MALRD1: variants seen among roughly 807,000 people sequenced by gnomAD.
MALRD1 encodes the protein MAM and LDL-receptor class A domain-containing protein 1.
In MALRD1, 247 loss-of-function variants were observed where a neutral mutation model predicts 242.1. The ratio of observed to expected loss-of-function variants is 1.02; its 90% CI spans 0.92 to 1.13. MALRD1 has a LOEUF of 1.13. Ranked by LOEUF, MALRD1 falls within the 50% of genes most tolerant of loss-of-function variation. The probability of loss-of-function intolerance (pLI) is 0.00; values close to 1 mark genes in which losing one functional copy is unlikely to be tolerated. For synonymous variants in MALRD1, 995 were observed against 866.6 expected, an observed-to-expected ratio of 1.15 and a Z score of -2.60; for missense variants, 2,989 against 2,533.1, an observed-to-expected ratio of 1.18 and a Z score of -3.86.
At chr10:19,179,546 A>T (rs1008174532) in intron 14 of MALRD1, among the ~76,000 whole-genome samples, 2 of 152,120 alleles carry the variant, frequency 1.3e-5, no homozygotes, top group African/African-American at 4.8e-5. Flanking sequence ...GCTACTCAGG[A>T]GGTGCAGGTT....
chr10:19,661,994 A>T (rs1195157740), intron 36 of MALRD1, among the ~76,000 whole-genome samples: 1 of 152,150 alleles, frequency 6.6e-6, no homozygotes, highest in Non-Finnish European at 1.5e-5. Context: ...TCATTTTCCA[A>T]TATATAAATG....
At chr10:19,369,472 T>C (rs1186230209) in intron 26 of MALRD1, among the ~76,000 whole-genome samples, 1 of 148,776 alleles carries the variant, frequency 6.7e-6, no homozygotes, top group Non-Finnish European at 1.5e-5. Flanking sequence ...ATAGTTTTTT[T>C]ATATACTCTG....
chr10:19,696,520 T>G (rs1302706983), intron 38 of MALRD1, among the ~76,000 whole-genome samples: 1 of 152,152 alleles, frequency 6.6e-6, no homozygotes, highest in East Asian at 1.9e-4. Context: ...GTCATGTGAA[T>G]AAGCAGACAG....
intron 18 of MALRD1, among the ~76,000 whole-genome samples, chr10:19,238,030 GTTATATATAATTCTATGT>G: frequency 7.1e-5 from 1 of 14,110 alleles, no homozygotes; most frequent in African/African-American, 2.8e-4. Context: ...ATTTTATACA[GTTATATATAATTCTATGT>G]AATTTTATAT....
In MALRD1 at chr10:19,326,112, T is replaced by C. The variant is rs569939162; in HGVS notation, c.3577-1451T>C. On this transcript the variant is annotated intron_variant, in intron 22 of 39. Coordinates refer to ENST00000454679, the MANE Select transcript of MALRD1 (RefSeq NM_001142308.3). ...ATTTGTGTGTATACACGCATGGTTATGTTTAATAATCTAAAGACATCCAAA... is the reference window on the plus strand; with the variant it reads ...ATTTGTGTGTATACACGCATGGTTACGTTTAATAATCTAAAGACATCCAAA... Among the ~76,000 whole-genome samples, 194 of 152,292 alleles carry C rather than the reference T, an allele frequency of 1.3e-3. 1 individual carries two copies. The Middle Eastern group carries it at 0.02, about 16-fold the overall frequency.
At chr10:19,521,210 T>G (rs1241426942) in intron 31 of MALRD1, among the ~76,000 whole-genome samples, 1 of 152,138 alleles carries the variant, frequency 6.6e-6, no homozygotes, top group Non-Finnish European at 1.5e-5. Flanking sequence ...AAAAAGAATC[T>G]TCTAAATATG....
At chr10:19,249,635 A>G (rs1264924541) in intron 18 of MALRD1, among the ~76,000 whole-genome samples, 1 of 152,008 alleles carries the variant, frequency 6.6e-6, no homozygotes, top group Admixed American at 6.6e-5. Context: ...GAGAAGACGA[A>G]CATTAAATGC....
At chr10:19,070,335 A>G (rs987543840) in intron 2 of MALRD1, among the ~76,000 whole-genome samples, 10 of 152,142 alleles carry the variant, frequency 6.6e-5, no homozygotes, top group African/African-American at 2.4e-4. Context: ...CATCTAACAC[A>G]AAGCCTATTT....
At chr10:19,411,382 C>G (rs1833270485) in intron 28 of MALRD1, among the ~76,000 whole-genome samples, 1 of 152,184 alleles carries the variant, frequency 6.6e-6, no homozygotes, top group African/African-American at 2.4e-5. Context: ...TATCCAAACA[C>G]AGCCTGGCTC....
In MALRD1 at chr10:19,331,576, A is replaced by G. The variant is rs1255470458; in HGVS notation, c.3895A>G (p.Ile1299Val). 1 of 1,549,956 alleles carries G rather than the reference A, an allele frequency of 6.5e-7. No homozygotes were observed. Residue 1299 changes from isoleucine (I) to valine (V), a missense_variant, in exon 24 of 40, where the codon ATT (isoleucine) becomes GTT (valine). By Grantham distance (29) the Ile-to-Val change is conservative (BLOSUM62 3). Transcript: ENST00000454679. ...CADNSDETTF[I>V]CRTSSGRCDF... Reference sequence around the variant, plus strand: ...TGATAATTCAGATGAGACTACTTTCATTTGCCGTAAGTAAAAGGGTTCTGT... The same window carrying G: ...TGATAATTCAGATGAGACTACTTTCGTTTGCCGTAAGTAAAAGGGTTCTGT...
chr10:19,201,406 A>G (rs983327573), intron 14 of MALRD1, among the ~76,000 whole-genome samples: 9 of 152,178 alleles, frequency 5.9e-5, no homozygotes, highest in Non-Finnish European at 1.0e-4. Flanking sequence ...AAATTTTACT[A>G]CCATTCGAAT....
intron 34 of MALRD1, among the ~76,000 whole-genome samples, chr10:19,599,026 T>A (rs1838234064): frequency 6.6e-6 from 1 of 152,114 alleles, no homozygotes; most frequent in African/African-American, 2.4e-5. Flanking sequence ...GAGAGAGAAC[T>A]TTTTACGGAG....
At chr10:19,585,014 T>C (rs1589268619) in intron 33 of MALRD1, among the ~76,000 whole-genome samples, 1 of 152,166 alleles carries the variant, frequency 6.6e-6, no homozygotes, top group Non-Finnish European at 1.5e-5. Flanking sequence ...TCTGTTGGTT[T>C]AAAGTCTGTT....
chr10:19,336,637 A>T (rs1434196635), intron 24 of MALRD1, among the ~76,000 whole-genome samples: 1 of 152,184 alleles, frequency 6.6e-6, no homozygotes, highest in Admixed American at 6.6e-5. Context: ...TTAATAGCCC[A>T]TGCCCCCCTC....
At chr10:19,280,323 C>A in intron 20 of MALRD1, 100 bp downstream of exon 20, 1 of 895,356 alleles carries the variant, frequency 1.1e-6, no homozygotes, top group Non-Finnish European at 1.5e-6. Flanking sequence ...TAGATATATT[C>A]AACATGAGTT....
intron 28 of MALRD1, among the ~76,000 whole-genome samples, chr10:19,413,592 T>A (rs1833369583): frequency 6.6e-6 from 1 of 152,022 alleles, no homozygotes; most frequent in Non-Finnish European, 1.5e-5. Flanking sequence ...GACAATTTAA[T>A]TTATTACCTC....
intron 18 of MALRD1, among the ~76,000 whole-genome samples, chr10:19,233,869 G>A (rs962423290): frequency 1.3e-5 from 2 of 151,546 alleles, no homozygotes; most frequent in African/African-American, 2.4e-5. Flanking sequence ...ATGGGGGAGT[G>A]TTGCATTTGT....
intron 38 of MALRD1, among the ~76,000 whole-genome samples, chr10:19,719,685 C>T (rs1834650642): frequency 6.6e-6 from 1 of 152,124 alleles, no homozygotes; most frequent in Non-Finnish European, 1.5e-5. Flanking sequence ...TTTGCAAATG[C>T]AGTTCTTTCT....
At chr10:19,493,495 C>G (rs11010167) in intron 30 of MALRD1, among the ~76,000 whole-genome samples, 3,057 of 151,994 alleles carry the variant, frequency 0.02, 128 homozygotes, top group African/African-American at 0.07. Context: ...GTAACACTTT[C>G]TAGTGTTATT....
Sources: gnomAD v4.1 joint callset for allele counts (sites outside exome capture counted in the v4.1 genomes callset) on GRCh38, gnomAD v4.1.1 for gene constraint, MANE v1.5 for transcripts, NCBI Gene and HGNC (gene_info 2026-07-23, HGNC 2026-07-21) for gene names.